CAND2: variants seen among roughly 807,000 people sequenced by gnomAD.
CAND2 encodes cullin associated and neddylation dissociated 2 (putative).
CAND2 carries 62 observed loss-of-function variants against 98.9 expected under a neutral mutation model. The ratio of observed to expected loss-of-function variants is 0.63; its 90% CI spans 0.51 to 0.77. The LOEUF is 0.77. CAND2 is among the 30% of genes least tolerant of loss of function. CAND2 has a pLI of 0.00. For missense variants in CAND2, 1,501 were observed against 1,655.2 expected, an observed-to-expected ratio of 0.91 and a Z score of 1.62; for synonymous variants, 770 against 731.9, an observed-to-expected ratio of 1.05 and a Z score of -0.84.
At chr3:12,796,834 C>G in intron 1 of CAND2, 46 bp downstream of exon 1, 2 of 1,498,432 alleles carry the variant, frequency 1.3e-6, no homozygotes, top group East Asian at 4.8e-5. Context: ...GCTCTGAAGC[C>G]GGGGGCCTTC....
intron 11 of CAND2, among the ~76,000 whole-genome samples, chr3:12,820,649 C>A (rs979701986): frequency 5.9e-5 from 9 of 152,192 alleles, no homozygotes; most frequent in Admixed American, 3.3e-4. Flanking sequence ...GTCTGAGGGG[C>A]CTTCTGGCCT....
At chr3:12,812,390 ATTTTT>A (rs35620069) in intron 5 of CAND2, among the ~76,000 whole-genome samples, 3 of 66,730 alleles carry the variant, frequency 4.5e-5, no homozygotes, top group African/African-American at 1.4e-4. Context: ...TGCCCGGCTA[ATTTTT>A]TTTTTTTTTT....
chr3:12,814,844 C>T (rs561267579), intron 7 of CAND2, among the ~76,000 whole-genome samples: 1 of 152,298 alleles, frequency 6.6e-6, no homozygotes, highest in Admixed American at 6.5e-5. Context: ...GGGCAAGCCA[C>T]TTCCTCTATC....
rs886707906 is a variant in CAND2, at chr3:12,815,990, A to C, written c.1423A>C (p.Met475Leu). The stretch of plus-strand genomic sequence containing the variant: ...CCTCCCAGGCAGCCTGGCCGAGCAT[A>C]TGCCTGTGCTGGTATCAGGTAGGCT... ...GVLPGSLAEH[M>L]PVLVSGIIFS... The change falls in exon 9 of 15, where the codon ATG becomes CTG. Residue 475 changes from methionine to leucine, a missense_variant. Around this residue, in one of 3 missense-constraint regions of CAND2, gnomAD observed 1,427 missense variants for 1,545.3 expected, o/e 0.92. Coordinates refer to ENST00000456430, the MANE Select transcript of CAND2 (RefSeq NM_001162499.2). The surrounding 1 kb of genome is among the most constrained non-coding windows in gnomAD (Gnocchi z 5.7). The C allele has an allele frequency of 1.2e-6, 2 of 1,613,570 alleles. No homozygotes were observed. Among genetic ancestry groups the C allele is most frequent in the African/African-American group, 2.7e-5 (2 of 74,880 alleles).
intron 7 of CAND2, among the ~76,000 whole-genome samples, chr3:12,813,814 T>A (rs1326856338): frequency 6.6e-6 from 1 of 152,158 alleles, no homozygotes; most frequent in Non-Finnish European, 1.5e-5. Flanking sequence ...AGAGGAAAGC[T>A]CTGATGGTGG....
At chr3:12,812,197 C>A (rs2061856585) in intron 5 of CAND2, among the ~76,000 whole-genome samples, 1 of 144,002 alleles carries the variant, frequency 6.9e-6, no homozygotes, top group African/African-American at 2.6e-5. Flanking sequence ...GTGTGAGCCA[C>A]CATGCCCGGC....
intron 12 of CAND2, among the ~76,000 whole-genome samples, chr3:12,826,493 T>C (rs1187768362): frequency 3.3e-5 from 5 of 152,060 alleles, no homozygotes; most frequent in Non-Finnish European, 7.4e-5. Flanking sequence ...AGTGGCACAA[T>C]CACAGCTCAC....
chr3:12,823,994 T>C (rs2061980170), intron 11 of CAND2, among the ~76,000 whole-genome samples: 1 of 152,160 alleles, frequency 6.6e-6, no homozygotes, highest in Non-Finnish European at 1.5e-5. Context: ...ATATAAAACA[T>C]TAACAATTCT....
intron 1 of CAND2, among the ~76,000 whole-genome samples, chr3:12,802,090 G>T (rs2061770618): frequency 6.6e-6 from 1 of 152,204 alleles, no homozygotes; most frequent in South Asian, 2.1e-4. Context: ...CATTTTGGGA[G>T]GCCGAGGTGG....
chr3:12,816,082 C>T, intron 9 of CAND2, 74 bp downstream of exon 9: 1 of 1,452,072 alleles, frequency 6.9e-7, no homozygotes. Context: ...CTGAGTTGAG[C>T]CCCCAGTTCC....
At position 12,815,298 on chromosome 3, in the gene CAND2, C is replaced by A. The variant is rs539271019; in HGVS notation, c.1164C>A (p.Arg388=). The change falls in exon 8 of 15, where the codon CGC becomes CGA. Residue 388 remains arginine (R), a synonymous_variant. Coordinates refer to ENST00000456430, the MANE Select transcript of CAND2 (RefSeq NM_001162499.2). The surrounding 1 kb of genome is among the most constrained non-coding windows in gnomAD (Gnocchi z 5.7). ...TGCTCATCCGCCGCTTCAAAGAACG[C>A]GAGGAGAACGTCAAGGCTGACGTCT... The part of the protein sequence containing the change: ...APVLIRRFKE[R]EENVKADVFT... 1 of 1,613,974 alleles carries A rather than the reference C, an allele frequency of 6.2e-7. No individual in the cohort carries two copies. Among genetic ancestry groups the A allele is most frequent in the South Asian group, 1.1e-5 (1 of 91,082 alleles).
rs370299406 is a variant in CAND2, at chr3:12,814,423, T to C, written c.1007-718T>C. Among the ~76,000 whole-genome samples, 248 of 152,338 alleles carry C rather than the reference T, an allele frequency of 1.6e-3. 1 individual carries two copies. The highest frequency in any genetic ancestry group is 5.7e-3 in the African/African-American group (236 of 41,576). ...TCACCCGCTCTGAGTCTTAGTCTTA[T>C]CGTCTGTAAAATGGAGCTTGGCAGT... On this transcript the variant is annotated intron_variant, in intron 7 of 14. Coordinates refer to ENST00000456430, the MANE Select transcript of CAND2 (RefSeq NM_001162499.2).
Position 12,810,306 on chromosome 3 carries a change from C to A in CAND2, c.739C>A (p.Gln247Lys), listed in dbSNP as rs770787186. 39 of 1,460,978 alleles carry A rather than the reference C, an allele frequency of 2.7e-5. 1 individual carries two copies. The highest frequency in any genetic ancestry group is 3.3e-5 in the Non-Finnish European group (36 of 1,107,088). 90.5% of individuals were successfully genotyped at this position (1,460,978 alleles called of 1,614,324 possible). A position where few individuals can be genotyped will look rare whatever the true frequency, so the allele number is the denominator to read the frequency against. The change falls in exon 5 of 15, where the codon CAG becomes AAG. Residue 247 changes from glutamine to lysine, a missense_variant. Gln to Lys is a moderately conservative substitution (Grantham distance 53). This residue lies in a region of CAND2 where 1,427 missense variants were observed against 1,545.3 expected (regional missense o/e 0.92). Coordinates refer to ENST00000456430, the MANE Select transcript of CAND2 (RefSeq NM_001162499.2). ...CCAATGTTTGGGCAGCGTCGGCCGC[C>A]AGGCCGGCCACCGCCTCGGTAAGGG... ...LIQCLGSVGR[Q>K]AGHRLGAHLD...
At chr3:12,827,019 G>GAC (rs2062008012) in intron 12 of CAND2, among the ~76,000 whole-genome samples, 1 of 151,858 alleles carries the variant, frequency 6.6e-6, no homozygotes, top group African/African-American at 2.4e-5. Flanking sequence ...TTTTAGTAGA[G>GAC]GTGAAGTTTC....
At chr3:12,813,956 G>A (rs1016875710) in intron 7 of CAND2, among the ~76,000 whole-genome samples, 4 of 152,234 alleles carry the variant, frequency 2.6e-5, no homozygotes, top group Admixed American at 6.5e-5. Flanking sequence ...AGGCCTGAAG[G>A]CAGGGCATCG....
At chr3:12,819,978 A>G in intron 10 of CAND2, 108 bp from the exon 11 acceptor site, 2 of 821,442 alleles carry the variant, frequency 2.4e-6, no homozygotes, top group East Asian at 2.5e-5. Flanking sequence ...GAGGGGGTAC[A>G]GTTCTGTTTT....
chr3:12,801,710 C>G (rs1410199406), intron 1 of CAND2, among the ~76,000 whole-genome samples: 1 of 152,190 alleles, frequency 6.6e-6, no homozygotes, highest in Admixed American at 6.5e-5. Flanking sequence ...CCAAAATATG[C>G]CCATGCCCAT....
In CAND2 at chr3:12,817,704, C is replaced by T. The variant is rs372028856; in HGVS notation, c.2772C>T (p.Ala924=). Residue 924 remains alanine, a synonymous_variant, in exon 10 of 15, where the codon GCC becomes GCT. Coordinates refer to ENST00000456430, the MANE Select transcript of CAND2 (RefSeq NM_001162499.2). The stretch of plus-strand genomic sequence containing the variant: ...ACTCACTCAGGGAGGCCCTGGGGGC[C>T]GCCCAGCCTGACAGCCTGAAGCCCT... ...LLHSLREALG[A]AQPDSLKPYA... 45 of 1,596,116 alleles carry T rather than the reference C, an allele frequency of 2.8e-5. No homozygotes were observed. Among genetic ancestry groups the T allele is most frequent in the African/African-American group, 1.3e-4 (10 of 74,472 alleles).
Position 12,827,524 on chromosome 3 carries a change from G to C in CAND2, c.3295G>C (p.Glu1099Gln), listed in dbSNP as rs746305664. 1.2e-6 allele frequency: 2 copies of C among 1,614,116 alleles called. No individual in the cohort carries two copies. The highest frequency in any genetic ancestry group is 1.7e-6 in the Non-Finnish European group (2 of 1,180,004). ...AAFECMYSLL[E>Q]SCLGQLDICE... Reference sequence around the variant, plus strand: ...CTTTGAATGCATGTATTCACTGCTTGAGAGCTGCCTGGGCCAGCTGGATAT... The same window carrying C: ...CTTTGAATGCATGTATTCACTGCTTCAGAGCTGCCTGGGCCAGCTGGATAT... The change falls in exon 13 of 15, where the codon GAG becomes CAG. Residue 1099 changes from glutamate (E) to glutamine (Q), a missense_variant. By Grantham distance (29) the Glu-to-Gln change is conservative (BLOSUM62 2). Around this residue, in one of 3 missense-constraint regions of CAND2, gnomAD observed 1,427 missense variants for 1,545.3 expected, o/e 0.92. Transcript: ENST00000456430.
Sources: gnomAD v4.1 joint callset for allele counts (sites outside exome capture counted in the v4.1 genomes callset) on GRCh38, gnomAD v4.1.1 for gene constraint, gnomAD v4.1.1 regional missense constraint, Gnocchi (gnomAD v3.1) non-coding constraint, MANE v1.5 for transcripts, NCBI Gene and HGNC (gene_info 2026-07-23, HGNC 2026-07-21) for gene names.